Variants in MBNL2 observed in about 807,000 individuals in gnomAD.
MBNL2 encodes muscleblind like splicing regulator 2.
Under a neutral mutation model 41.9 loss-of-function variants are expected in MBNL2, and 17 were observed. That is an observed-to-expected ratio of 0.41 (90% CI 0.28 to 0.61). The LOEUF (loss-of-function observed/expected upper bound fraction) is 0.61. Among genes scored for constraint, MBNL2 ranks in the 20% least tolerant of loss-of-function variants. The pLI, the probability that MBNL2 is intolerant of heterozygous loss-of-function variation, is 0.35. For synonymous variants in MBNL2, 195 were observed against 182.9 expected, an observed-to-expected ratio of 1.07 and a Z score of -0.53; for missense variants, 336 against 505.6, an observed-to-expected ratio of 0.66 and a Z score of 3.22.
chr13:97,256,371 G>A (rs557863858), intron 1 of MBNL2, among the ~76,000 whole-genome samples: 1 of 150,488 alleles, frequency 6.6e-6, no homozygotes, highest in Non-Finnish European at 1.5e-5. Context: ...TTTAAATATT[G>A]GAACTACTAT....
the MBNL2 span, among the ~76,000 whole-genome samples, chr13:97,168,983 A>G: frequency 6.6e-6 from 1 of 152,106 alleles, no homozygotes; most frequent in East Asian, 1.9e-4. Flanking sequence ...ATCACCAAAG[A>G]CAGAAAGTGC....
chr13:97,370,907 G>A (rs866558115), intron 8 of MBNL2, among the ~76,000 whole-genome samples: 22 of 152,216 alleles, frequency 1.4e-4, no homozygotes, highest in Middle Eastern at 3.4e-3. Context: ...GGTTGGGGGG[G>A]AAATGATAGG....
At chr13:97,232,851 A>ATGTGTGTGTGTGTGTG (rs34769353) in intron 1 of MBNL2, among the ~76,000 whole-genome samples, 7 of 130,580 alleles carry the variant, frequency 5.4e-5, no homozygotes, top group African/African-American at 1.8e-4. Flanking sequence ...TCTTGACGCT[A>ATGTGTGTGTGTGTGTG]TGTGTGTGTG....
chr13:97,330,899 G>A (rs894276066), intron 2 of MBNL2, among the ~76,000 whole-genome samples: 4 of 152,136 alleles, frequency 2.6e-5, no homozygotes, highest in Non-Finnish European at 2.9e-5. Context: ...TCAGACATCC[G>A]TGGTGCATAA....
At chr13:97,380,575 C>T (rs1481955648) in intron 8 of MBNL2, among the ~76,000 whole-genome samples, 1 of 152,080 alleles carries the variant, frequency 6.6e-6, no homozygotes, top group East Asian at 1.9e-4. Flanking sequence ...GCAATGAAAA[C>T]AGTAGTTCCT....
chr13:97,328,191 T>G (rs2060073619), intron 2 of MBNL2, among the ~76,000 whole-genome samples: 1 of 150,558 alleles, frequency 6.6e-6, no homozygotes, highest in Non-Finnish European at 1.5e-5. Flanking sequence ...TTTTTTTTTT[T>G]TTTTACACTG....
chr13:97,233,169 A>C (rs1313430245), intron 1 of MBNL2, among the ~76,000 whole-genome samples: 1 of 115,290 alleles, frequency 8.7e-6, no homozygotes, highest in East Asian at 2.4e-4. Flanking sequence ...ATATATATAT[A>C]TATATATCTT....
intron 1 of MBNL2, among the ~76,000 whole-genome samples, chr13:97,235,380 C>CTA (rs1182279908): frequency 6.6e-6 from 1 of 152,146 alleles, no homozygotes; most frequent in African/African-American, 2.4e-5. Flanking sequence ...TGTTGTATAA[C>CTA]GCAGACCTCA....
At chr13:97,235,417 T>C (rs1161456262) in intron 1 of MBNL2, among the ~76,000 whole-genome samples, 3 of 152,134 alleles carry the variant, frequency 2.0e-5, no homozygotes, top group African/African-American at 7.2e-5. Context: ...AAAATGTAAC[T>C]GAGAGGAGTG....
chr13:97,284,124 C>T (rs1056371914), intron 2 of MBNL2, among the ~76,000 whole-genome samples: 2 of 152,182 alleles, frequency 1.3e-5, no homozygotes, highest in African/African-American at 4.8e-5. Flanking sequence ...TACCACAAAC[C>T]GTGTGGTTTA....
chr13:97,354,625 A>G (rs937377684), intron 5 of MBNL2, among the ~76,000 whole-genome samples: 2 of 152,260 alleles, frequency 1.3e-5, no homozygotes, highest in African/African-American at 4.8e-5. Flanking sequence ...CATCACACTA[A>G]GACAGGAAGA....
rs9584542 is a variant in MBNL2 at position 97,308,693 on chromosome 13, C to A, written c.175-25583C>A. 2.0e-3 allele frequency among the ~76,000 whole-genome samples: 310 copies of A among 152,256 alleles called. 2 individuals are homozygous for A. The highest frequency in any genetic ancestry group is 3.4e-3 in the Non-Finnish European group (233 of 68,016). Reference sequence around the variant, plus strand: ...GAGGCCCCTGAAGTTTTATGATGATCGATCTGTATAACAGAATATTTCTTT... The same window carrying A: ...GAGGCCCCTGAAGTTTTATGATGATAGATCTGTATAACAGAATATTTCTTT... On this transcript the variant is annotated intron_variant, in intron 2 of 8. Coordinates refer to ENST00000679496, the MANE Select transcript of MBNL2 (RefSeq NM_001382683.1).
chr13:97,212,624 G>A, the MBNL2 span, among the ~76,000 whole-genome samples: 61 of 152,284 alleles, frequency 4.0e-4, 1 homozygote, highest in African/African-American at 1.3e-3. Context: ...CCAGCTGTGC[G>A]ACCCTGGAAA....
At chr13:97,174,520 C>T in the MBNL2 span, among the ~76,000 whole-genome samples, 1 of 152,190 alleles carries the variant, frequency 6.6e-6, no homozygotes, top group Admixed American at 6.5e-5. Flanking sequence ...ATTGACTTAG[C>T]AGAGGGAAAA....
At chr13:97,161,566 GT>G in the MBNL2 span, among the ~76,000 whole-genome samples, 1 of 152,146 alleles carries the variant, frequency 6.6e-6, no homozygotes, top group Non-Finnish European at 1.5e-5. Context: ...ACAACTCTGA[GT>G]ATTCATTATA....
intron 2 of MBNL2, among the ~76,000 whole-genome samples, chr13:97,329,456 C>A (rs1400903527): frequency 6.6e-6 from 1 of 152,032 alleles, no homozygotes; most frequent in Non-Finnish European, 1.5e-5. Flanking sequence ...TGGCTCGTCT[C>A]CCATTGTGTG....
chr13:97,162,614 C>T, the MBNL2 span, among the ~76,000 whole-genome samples: 123 of 152,222 alleles, frequency 8.1e-4, no homozygotes, highest in African/African-American at 2.8e-3. Context: ...GTGTATCTAG[C>T]GCTCCTCACT....
chr13:97,249,362 G>C (rs2046091684), intron 1 of MBNL2, among the ~76,000 whole-genome samples: 3 of 152,100 alleles, frequency 2.0e-5, no homozygotes, highest in Non-Finnish European at 1.5e-5. Flanking sequence ...AAAAGCCCAG[G>C]GGGCATTTTT....
the MBNL2 span, among the ~76,000 whole-genome samples, chr13:97,196,820 C>A: frequency 1.6e-4 from 24 of 152,228 alleles, no homozygotes; most frequent in Admixed American, 3.3e-4. Context: ...CTTAACTGTC[C>A]TCATTTCCAA....
Sources: gnomAD v4.1 joint callset for allele counts (sites outside exome capture counted in the v4.1 genomes callset) on GRCh38, gnomAD v4.1.1 for gene constraint, MANE v1.5 for transcripts, NCBI Gene and HGNC (gene_info 2026-07-23, HGNC 2026-07-21) for gene names.